The following PPP2CA variants were observed in gnomAD, a reference collection of about 807,000 sequenced individuals.
The protein encoded by PPP2CA is serine/threonine-protein phosphatase 2A catalytic subunit alpha isoform.
PPP2CA carries 5 observed loss-of-function variants against 38.8 expected under a neutral mutation model. The observed-to-expected ratio is 0.13, with a 90% CI of 0.07 to 0.27. PPP2CA has a LOEUF of 0.27. PPP2CA is among the 10% of genes least tolerant of loss of function. The probability of loss-of-function intolerance (pLI) is 1.00; values close to 1 mark genes in which losing one functional copy is unlikely to be tolerated. For missense variants in PPP2CA, 88 were observed against 389.7 expected (o/e 0.23, Z 6.52); for synonymous variants, 152 against 134.0 (o/e 1.13, Z -0.93).
chr5:134,218,628 T>C (rs573508386), intron 1 of PPP2CA, among the ~76,000 whole-genome samples: 3 of 151,916 alleles, frequency 2.0e-5, no homozygotes, highest in Non-Finnish European at 4.4e-5. Context: ...GTTTCCTCCC[T>C]CATCTGTGTA....
intron 1 of PPP2CA, among the ~76,000 whole-genome samples, chr5:134,217,937 G>A (rs1350488186): frequency 6.6e-6 from 1 of 152,106 alleles, no homozygotes; most frequent in Non-Finnish European, 1.5e-5. Flanking sequence ...GAATGCTGTA[G>A]GCAACTGTTA....
Position 134,197,344 on chromosome 5 carries a change from G to A in PPP2CA, c.*428C>T, listed in dbSNP as rs1761876211. On this transcript the variant is annotated 3_prime_UTR_variant, in exon 7 of 7. Transcript: ENST00000481195. ...ACTCACAAGTAGAAGGGAGGCCTTG[G>A]TAATTATTTTTAAAAATGTTCATTA... is the stretch of plus-strand genomic sequence containing the variant. The A allele has an allele frequency of 6.4e-6, 1 of 155,918 alleles. No individual in the cohort carries two copies. The highest frequency in any genetic ancestry group is 1.4e-5 in the Non-Finnish European group (1 of 70,228). 9.7% of individuals were successfully genotyped at this position (155,918 alleles called of 1,614,324 possible).
chr5:134,199,882 A>G (rs1021423849), intron 5 of PPP2CA, among the ~76,000 whole-genome samples: 1 of 152,130 alleles, frequency 6.6e-6, no homozygotes, highest in Non-Finnish European at 1.5e-5. Flanking sequence ...AAAATATTCT[A>G]ATCAGTGTGC....
intron 1 of PPP2CA, among the ~76,000 whole-genome samples, chr5:134,221,515 A>G (rs975523076): frequency 6.6e-6 from 1 of 152,188 alleles, no homozygotes; most frequent in Non-Finnish European, 1.5e-5. Context: ...ATTTATACTA[A>G]GAATACAAGG....
At chr5:134,207,686 T>C (rs149610940) in intron 1 of PPP2CA, among the ~76,000 whole-genome samples, 38 of 152,260 alleles carry the variant, frequency 2.5e-4, no homozygotes, top group African/African-American at 7.5e-4. Context: ...CCATGAACAA[T>C]TGCGACCACA....
At chr5:134,202,433 TTA>T (rs1761988158) in intron 2 of PPP2CA, 1 of 65,778 alleles carries the variant, frequency 1.5e-5, no homozygotes, top group East Asian at 2.7e-4. Flanking sequence ...AACCACTGAT[TTA>T]CTGTCTTGAG....
Position 134,200,374 on chromosome 5 carries a change from G to A in PPP2CA, c.699C>T (p.Gly233=), listed in dbSNP as rs1296720178. Residue 233 remains glycine, a synonymous_variant, in exon 5 of 7, where the codon GGC becomes GGT. Transcript: ENST00000481195. ...GGTGAGCTCTAGACACCAACGTGAG[G>A]CCATTGGCATGATTAAATGTCTCAG... ...DISETFNHAN[G]LTLVSRAHQL... 2.5e-6 allele frequency: 4 copies of A among 1,614,036 alleles called. No individual in the cohort carries two copies. Among genetic ancestry groups the A allele is most frequent in the Non-Finnish European group, 2.5e-6 (3 of 1,180,020 alleles).
intron 1 of PPP2CA, among the ~76,000 whole-genome samples, chr5:134,215,186 C>G (rs1762290785): frequency 6.6e-6 from 1 of 150,794 alleles, no homozygotes; most frequent in African/African-American, 2.4e-5. Flanking sequence ...CAGTCTAGAT[C>G]TCCTGGACCC....
At chr5:134,201,216 A>T (rs1761961152) in intron 3 of PPP2CA, 142 bp from the exon 4 acceptor site, 2 of 633,782 alleles carry the variant, frequency 3.2e-6, no homozygotes, top group East Asian at 2.8e-5. Context: ...GTTTGAGACC[A>T]ACCTGAGCAA....
intron 1 of PPP2CA, chr5:134,225,470 A>C (rs1188006174): frequency 5.6e-6 from 2 of 356,108 alleles, no homozygotes; most frequent in Non-Finnish European, 1.0e-5. Flanking sequence ...GATGACCCAC[A>C]GGGTCTCCGC....
At chr5:134,205,746 C>A in intron 2 of PPP2CA, 176 bp downstream of exon 2, 1 of 572,956 alleles carries the variant, frequency 1.7e-6, no homozygotes, top group South Asian at 2.0e-5. Context: ...TCTGTACCAT[C>A]CCCTTACTCA....
chr5:134,213,478 C>T (rs1561740738), intron 1 of PPP2CA, among the ~76,000 whole-genome samples: 1 of 146,522 alleles, frequency 6.8e-6, no homozygotes, highest in Non-Finnish European at 1.5e-5. Context: ...ACCAAAACCC[C>T]ATCTCTACAA....
Position 134,196,719 on chromosome 5 carries a change from T to C in PPP2CA, c.*1053A>G, listed in dbSNP as rs1761859599. 1.3e-5 allele frequency: 2 copies of C among 152,336 alleles called. No individual in the cohort carries two copies. The highest frequency in any genetic ancestry group is 1.9e-4 in the East Asian group (1 of 5,188). The allele number at this position is 152,336 out of a possible 1,614,324, so 9.4% of individuals were successfully genotyped here. On this transcript the variant is annotated 3_prime_UTR_variant, in exon 7 of 7. Transcript: ENST00000481195. ...GAAACTGCACTAAGTAAACACATCATTTAGTTTAAGCTCTACCTGAAAACA... is the reference window on the plus strand; with the variant it reads ...GAAACTGCACTAAGTAAACACATCACTTAGTTTAAGCTCTACCTGAAAACA...
chr5:134,214,664 C>T (rs1762279616), intron 1 of PPP2CA, among the ~76,000 whole-genome samples: 2 of 152,098 alleles, frequency 1.3e-5, no homozygotes, highest in African/African-American at 4.8e-5. Context: ...TACAAGTTGT[C>T]CATGAATATT....
Position 134,226,042 on chromosome 5 carries a change from G to A in PPP2CA, c.-181C>T, listed in dbSNP as rs1015558208. 2 of 528,034 alleles carry A rather than the reference G, an allele frequency of 3.8e-6. No individual in the cohort carries two copies. The highest frequency in any genetic ancestry group is 3.7e-5 in the Admixed American group (1 of 26,754). The allele number at this position is 528,034 out of a possible 1,614,324, so 32.7% of individuals were successfully genotyped here. ...CGTCGGCCGCTGCGCCTCCTCCTCC[G>A]CTCGCTGAGGCTCCAGAGCTCGGCT... On this transcript the variant is annotated 5_prime_UTR_variant, in exon 1 of 7. Coordinates refer to ENST00000481195, the MANE Select transcript of PPP2CA (RefSeq NM_002715.4).
chr5:134,214,114 G>GT, intron 1 of PPP2CA, among the ~76,000 whole-genome samples: 1 of 152,018 alleles, frequency 6.6e-6, no homozygotes, highest in East Asian at 1.9e-4. Flanking sequence ...ATGCAACACA[G>GT]TAAGACTCTC....
At position 134,197,519 on chromosome 5, in the gene PPP2CA, G is replaced by C; in HGVS notation, c.*253C>G. Reference sequence around the variant, plus strand: ...GAGAAAGCAAAAGTAACTACAAATAGCGCTATGCCAGAAACTGGTTTCTTG... The same window carrying C: ...GAGAAAGCAAAAGTAACTACAAATACCGCTATGCCAGAAACTGGTTTCTTG... On this transcript the variant is annotated 3_prime_UTR_variant, in exon 7 of 7. Coordinates refer to ENST00000481195, the MANE Select transcript of PPP2CA (RefSeq NM_002715.4). The C allele has an allele frequency of 2.1e-6, 1 of 487,490 alleles. No individual in the cohort carries two copies. The highest frequency in any genetic ancestry group is 3.7e-6 in the Non-Finnish European group (1 of 268,900). 30.2% of individuals were successfully genotyped at this position (487,490 alleles called of 1,614,324 possible).
At chr5:134,205,371 C>G (rs537008918) in intron 2 of PPP2CA, among the ~76,000 whole-genome samples, 65 of 141,302 alleles carry the variant, frequency 4.6e-4, no homozygotes, top group Middle Eastern at 3.7e-3. Flanking sequence ...GACCAGCCCT[C>G]TAACATTTTT....
At chr5:134,223,706 A>C (rs1003126107) in intron 1 of PPP2CA, among the ~76,000 whole-genome samples, 6 of 152,188 alleles carry the variant, frequency 3.9e-5, no homozygotes, top group African/African-American at 1.4e-4. Context: ...CTTATCTTCT[A>C]CAACAGTTTC....
Sources: allele counts gnomAD v4.1 joint callset (sites outside exome capture counted in the v4.1 genomes callset), GRCh38; gene constraint gnomAD v4.1.1; transcripts MANE v1.5; gene names NCBI Gene and HGNC (gene_info 2026-07-23, HGNC 2026-07-21).